Variants in GAPVD1 observed in about 807,000 individuals in gnomAD.
GAPVD1 encodes GTPase-activating protein and VPS9 domain-containing protein 1.
Under a neutral mutation model 155.5 loss-of-function variants are expected in GAPVD1, and 35 were observed. That is an observed-to-expected ratio of 0.23 (90% CI 0.17 to 0.30). The LOEUF (loss-of-function observed/expected upper bound fraction) is 0.30. GAPVD1 is among the 10% of genes least tolerant of loss of function. The probability of loss-of-function intolerance (pLI) is 1.00; values close to 1 mark genes in which losing one functional copy is unlikely to be tolerated. For synonymous variants in GAPVD1, 636 were observed against 619.7 expected, an observed-to-expected ratio of 1.03 and a Z score of -0.39; for missense variants, 1,429 against 1,775.7, an observed-to-expected ratio of 0.80 and a Z score of 3.51.
Position 125,366,826 on chromosome 9 carries a change from C to T in GAPVD1, c.*4080C>T, listed in dbSNP as rs565539573. 2.0e-5 allele frequency: 3 copies of T among 152,266 alleles called. No individual in the cohort carries two copies. In the East Asian group the frequency reaches 5.8e-4, roughly 29 times the overall value. 9.4% of individuals were successfully genotyped at this position (152,266 alleles called of 1,614,324 possible). A position where few individuals can be genotyped will look rare whatever the true frequency, so the allele number is the denominator to read the frequency against. Reference sequence around the variant, plus strand: ...GATAAATGAAAATATAGTTTGCTTCCGTGTTAAGTTGTGGTTGAGCTATGG... The same window carrying T: ...GATAAATGAAAATATAGTTTGCTTCTGTGTTAAGTTGTGGTTGAGCTATGG... On this transcript the variant is annotated 3_prime_UTR_variant, in exon 28 of 28. Coordinates refer to ENST00000297933, the MANE Select transcript of GAPVD1 (RefSeq NM_001282680.3).
chr9:125,359,315 A>T, intron 25 of GAPVD1, 105 bp from the exon 26 acceptor site: 1 of 746,938 alleles, frequency 1.3e-6, no homozygotes, highest in South Asian at 1.5e-5. Flanking sequence ...TGTAATCCAT[A>T]TCTAGTCAAC....
rs117704180 is a variant in GAPVD1 at position 125,340,999 on chromosome 9, C to T, written c.2878-178C>T. On this transcript the variant is annotated intron_variant, in intron 17 of 27. Transcript: ENST00000297933. Reference sequence around the variant, plus strand: ...CTTGGGAGGCTGATACGGGGAGGATCGCTTGAGCCAGGGAAGTCGAGGCTG... The same window carrying T: ...CTTGGGAGGCTGATACGGGGAGGATTGCTTGAGCCAGGGAAGTCGAGGCTG... 1.7e-3 allele frequency among the ~76,000 whole-genome samples: 254 copies of T among 152,282 alleles called. 3 individuals are homozygous for T. The highest frequency in any genetic ancestry group is 0.015 in the East Asian group (78 of 5,184).
chr9:125,343,870 C>G (rs903084634), intron 19 of GAPVD1, among the ~76,000 whole-genome samples: 1 of 152,216 alleles, frequency 6.6e-6, no homozygotes, highest in Non-Finnish European at 1.5e-5. Flanking sequence ...GTGAATTACT[C>G]TTAATGACAT....
chr9:125,290,602 A>T (rs1015096104), intron 2 of GAPVD1, among the ~76,000 whole-genome samples: 1 of 152,210 alleles, frequency 6.6e-6, no homozygotes, highest in African/African-American at 2.4e-5. Flanking sequence ...AGAAGAGGAA[A>T]TGATATGAAT....
chr9:125,283,872 C>CT (rs577043296), intron 2 of GAPVD1, among the ~76,000 whole-genome samples: 3,129 of 149,278 alleles, frequency 0.021, 80 homozygotes, highest in African/African-American at 0.069. Flanking sequence ...TTCCTTGAAA[C>CT]TTTTTTTTTT....
At position 125,348,033 on chromosome 9, in the gene GAPVD1, G is replaced by A. The variant is rs754563162; in HGVS notation, c.3169+1092G>A. On this transcript the variant is annotated intron_variant, in intron 20 of 27. Transcript: ENST00000297933. ...CCATATATAGAGAGTGTGTGTGTGTGTATATATATATGTTTTGTTTTTGTT... is the reference window on the plus strand; with the variant it reads ...CCATATATAGAGAGTGTGTGTGTGTATATATATATATGTTTTGTTTTTGTT... Among the ~76,000 whole-genome samples, 113 of 152,026 alleles carry A rather than the reference G, an allele frequency of 7.4e-4. No homozygotes were observed. In the South Asian group the frequency reaches 9.3e-3, roughly 13 times the overall value.
intron 1 of GAPVD1, among the ~76,000 whole-genome samples, chr9:125,263,062 G>C (rs1310588771): frequency 1.3e-5 from 2 of 152,076 alleles, no homozygotes. Flanking sequence ...TTGTTGTTTT[G>C]CTAATATTTC....
At chr9:125,351,904 C>T (rs1362115315) in intron 23 of GAPVD1, among the ~76,000 whole-genome samples, 3 of 152,144 alleles carry the variant, frequency 2.0e-5, no homozygotes, top group Non-Finnish European at 4.4e-5. Context: ...CCACGCCTGG[C>T]TAATTTTGTA....
At chr9:125,300,449 G>GT in intron 4 of GAPVD1, among the ~76,000 whole-genome samples, 2 of 151,868 alleles carry the variant, frequency 1.3e-5, no homozygotes, top group African/African-American at 4.8e-5. Context: ...AAAGTGCTGG[G>GT]ATTATAGGTA....
chr9:125,346,816 C>T lies in GAPVD1; in HGVS notation c.3047-3C>T. ...AATTCTCTCACTCTCCTTTCCCTTG[C>T]AGATGATCCCAGCCCTAGACTCAGT... On this transcript the variant is annotated splice_region_variant and splice_polypyrimidine_tract_variant and intron_variant, in intron 19 of 27. Coordinates refer to ENST00000297933, the MANE Select transcript of GAPVD1 (RefSeq NM_001282680.3). 1.2e-6 allele frequency: 2 copies of T among 1,612,872 alleles called. No individual in the cohort carries two copies. Among genetic ancestry groups the T allele is most frequent in the Non-Finnish European group, 1.7e-6 (2 of 1,178,796 alleles).
At chr9:125,265,554 G>A (rs1833757408) in intron 1 of GAPVD1, among the ~76,000 whole-genome samples, 1 of 151,094 alleles carries the variant, frequency 6.6e-6, no homozygotes. Context: ...TGGGACTACA[G>A]GCGGGTGCCA....
Position 125,366,280 on chromosome 9 carries a change from G to C in GAPVD1, c.*3534G>C, listed in dbSNP as rs968649100. ...CCGTAAGAATCTGTAGCTGACTGGT[G>C]TGCTGAACCCGGGCACTCTTTTTCC... On this transcript the variant is annotated 3_prime_UTR_variant, in exon 28 of 28. Transcript: ENST00000297933. 4.6e-5 allele frequency: 7 copies of C among 152,228 alleles called. No homozygotes were observed. The highest frequency in any genetic ancestry group is 1.4e-4 in the African/African-American group (6 of 41,460). The allele number at this position is 152,228 out of a possible 1,614,324, so 9.4% of individuals were successfully genotyped here.
chr9:125,289,400 G>A (rs1838241317), intron 2 of GAPVD1, among the ~76,000 whole-genome samples: 2 of 152,196 alleles, frequency 1.3e-5, no homozygotes, highest in African/African-American at 4.8e-5. Context: ...GAGATATGTG[G>A]TGCTTTGGGA....
At chr9:125,280,575 C>CGT (rs1376676913) in intron 2 of GAPVD1, among the ~76,000 whole-genome samples, 1 of 137,694 alleles carries the variant, frequency 7.3e-6, no homozygotes, top group Non-Finnish European at 1.6e-5. Context: ...GTTACTACTA[C>CGT]TTTTTTTTTT....
Position 125,321,551 on chromosome 9 carries a change from G to A in GAPVD1, c.1721G>A (p.Gly574Glu). 1.2e-6 allele frequency: 2 copies of A among 1,613,244 alleles called. No homozygotes were observed. Among genetic ancestry groups the A allele is most frequent in the South Asian group, 2.2e-5 (2 of 91,030 alleles). ...RFSLCSDNLEGISEGPSNRSN... is the reference protein window; with the variant it reads ...RFSLCSDNLEEISEGPSNRSN... The stretch of plus-strand genomic sequence containing the variant: ...TCCCTCTGCAGTGATAATCTGGAAG[G>A]AATATCTGAAGGTGAAGGGTTACTT... Residue 574 changes from glycine (G) to glutamate (E), a missense_variant, in exon 10 of 28, where the codon GGA becomes GAA. This residue lies in a region of GAPVD1 where 628 missense variants were observed against 733.4 expected (regional missense o/e 0.86). Transcript: ENST00000297933.
intron 2 of GAPVD1, among the ~76,000 whole-genome samples, chr9:125,293,881 TA>T (rs1222162177): frequency 4.9e-5 from 1 of 20,408 alleles, no homozygotes; most frequent in Non-Finnish European, 9.5e-5. Flanking sequence ...TATATATATA[TA>T]TATATATATA....
intron 2 of GAPVD1, among the ~76,000 whole-genome samples, chr9:125,280,050 G>C (rs138378593): frequency 6.6e-6 from 1 of 150,674 alleles, no homozygotes; most frequent in Non-Finnish European, 1.5e-5. Context: ...GGCGTGAGCC[G>C]CTGCGCTGGC....
chr9:125,359,367 G>T (rs1215837701), intron 25 of GAPVD1, 53 bp from the exon 26 acceptor site: 4 of 966,266 alleles, frequency 4.1e-6, no homozygotes, highest in Non-Finnish European at 6.7e-6. Flanking sequence ...GACTGTTTGT[G>T]TACCATATTT....
chr9:125,330,986 AT>A (rs35123950), intron 13 of GAPVD1, among the ~76,000 whole-genome samples: 94 of 150,310 alleles, frequency 6.3e-4, no homozygotes, highest in Admixed American at 3.8e-3. Context: ...AATCCTGAGG[AT>A]TTTTTTTTTG....
Sources: allele counts gnomAD v4.1 joint callset (sites outside exome capture counted in the v4.1 genomes callset), GRCh38; gene constraint gnomAD v4.1.1; regional missense constraint gnomAD v4.1.1; transcripts MANE v1.5; gene names NCBI Gene and HGNC (gene_info 2026-07-23, HGNC 2026-07-21).